Variants in UNC5D observed in about 807,000 individuals in gnomAD.
The protein encoded by UNC5D is unc-5 netrin receptor D.
In UNC5D, 39 loss-of-function variants were observed where a neutral mutation model predicts 105.4. The observed-to-expected ratio is 0.37, with a 90% CI of 0.29 to 0.48. UNC5D has a LOEUF of 0.48. Among genes scored for constraint, UNC5D ranks in the 20% least tolerant of loss-of-function variants. UNC5D has a pLI of 0.98. For missense variants in UNC5D, 991 were observed against 1,202.4 expected, an observed-to-expected ratio of 0.82 and a Z score of 2.60; for synonymous variants, 452 against 450.4, an observed-to-expected ratio of 1.00 and a Z score of -0.04.
At chr8:35,458,496 T>A (rs1808648758) in intron 1 of UNC5D, among the ~76,000 whole-genome samples, 1 of 152,100 alleles carries the variant, frequency 6.6e-6, no homozygotes, top group Non-Finnish European at 1.5e-5. Context: ...ACAAAGAATC[T>A]TTAATTAATA....
intron 3 of UNC5D, among the ~76,000 whole-genome samples, chr8:35,575,390 A>T (rs1388485869): frequency 6.6e-6 from 1 of 152,176 alleles, no homozygotes; most frequent in African/African-American, 2.4e-5. Flanking sequence ...CTAACATGGC[A>T]TCTGGCTTCT....
chr8:35,601,476 G>A (rs1232615002), intron 4 of UNC5D, among the ~76,000 whole-genome samples: 2 of 152,060 alleles, frequency 1.3e-5, no homozygotes, highest in African/African-American at 4.8e-5. Context: ...TGATTTCATT[G>A]AGCAGTGGTT....
rs141763474 is a variant in UNC5D, at chr8:35,500,039, C to T, written c.104-49253C>T. ...AAACAGTATTGAACAACAACAAAAA[C>T]AAATTATCACCCTCACCTTTCATTT... On this transcript the variant is annotated intron_variant, in intron 1 of 16. Coordinates refer to ENST00000404895, the MANE Select transcript of UNC5D (RefSeq NM_080872.4). Among the ~76,000 whole-genome samples, 7 of 152,192 alleles carry T rather than the reference C, an allele frequency of 4.6e-5. No homozygotes were observed. The East Asian group carries it at 1.3e-3, about 29-fold the overall frequency.
intron 1 of UNC5D, among the ~76,000 whole-genome samples, chr8:35,260,449 A>G (rs573634498): frequency 3.3e-4 from 50 of 152,264 alleles, no homozygotes; most frequent in South Asian, 8.3e-4. Context: ...ATCTGCAGGA[A>G]GGGTTTTATT....
At chr8:35,330,664 T>C (rs1810542738) in intron 1 of UNC5D, among the ~76,000 whole-genome samples, 1 of 152,186 alleles carries the variant, frequency 6.6e-6, no homozygotes, top group Admixed American at 6.5e-5. Context: ...AACCTTGAGT[T>C]TGGAAATCTG....
Position 35,555,834 on chromosome 8 carries a change from CA to C in UNC5D, c.322+6335del, listed in dbSNP as rs201702783. ...AGCAAGACTCCACCTCAAAAAAATA[CA>C]AAAAAAAAAAGAATAATTATAAAGA... is the stretch of plus-strand genomic sequence containing the variant. On this transcript the variant is annotated intron_variant, in intron 2 of 16. Coordinates refer to ENST00000404895, the MANE Select transcript of UNC5D (RefSeq NM_080872.4). Among the ~76,000 whole-genome samples, 142 of 107,858 alleles carry C rather than the reference CA, an allele frequency of 1.3e-3. 1 individual carries two copies. Among genetic ancestry groups the C allele is most frequent in the Admixed American group, 4.9e-3 (54 of 11,042 alleles). 70.8% of individuals were successfully genotyped at this position (107,858 alleles called of 152,430 possible).
chr8:35,719,043 GA>G (rs1828418311), intron 8 of UNC5D, among the ~76,000 whole-genome samples: 1 of 152,056 alleles, frequency 6.6e-6, no homozygotes, highest in Non-Finnish European at 1.5e-5. Context: ...TCCCAGGAAT[GA>G]GGGGCGGAGG....
chr8:35,564,888 G>A (rs1476991053), intron 2 of UNC5D, among the ~76,000 whole-genome samples: 1 of 152,068 alleles, frequency 6.6e-6, no homozygotes, highest in Non-Finnish European at 1.5e-5. Flanking sequence ...TAGGAAAATG[G>A]TCTCCAGTTC....
chr8:35,422,837 A>G (rs1806003808), intron 1 of UNC5D, among the ~76,000 whole-genome samples: 1 of 152,200 alleles, frequency 6.6e-6, no homozygotes, highest in Admixed American at 6.5e-5. Flanking sequence ...AAATGTGAAC[A>G]TAATCTGTCC....
At chr8:35,711,142 G>T (rs1252032464) in intron 8 of UNC5D, among the ~76,000 whole-genome samples, 2 of 150,328 alleles carry the variant, frequency 1.3e-5, no homozygotes. Context: ...CACTTAACAT[G>T]TATATGATCT....
intron 2 of UNC5D, among the ~76,000 whole-genome samples, chr8:35,563,287 A>G (rs1817091191): frequency 7.8e-6 from 1 of 127,640 alleles, no homozygotes; most frequent in Admixed American, 1.0e-4. Flanking sequence ...TTCTTTCACC[A>G]GAGTTTTATC....
intron 1 of UNC5D, among the ~76,000 whole-genome samples, chr8:35,375,240 G>A (rs1452037846): frequency 6.6e-6 from 1 of 152,180 alleles, no homozygotes; most frequent in African/African-American, 2.4e-5. Flanking sequence ...GTAAGACTCT[G>A]TCTGCAGTGG....
At chr8:35,572,863 G>A (rs1817834112) in intron 3 of UNC5D, among the ~76,000 whole-genome samples, 1 of 150,770 alleles carries the variant, frequency 6.6e-6, no homozygotes, top group Non-Finnish European at 1.5e-5. Flanking sequence ...GAGTGCAGTG[G>A]TGCGATCTGG....
At chr8:35,492,665 G>A (rs949025572) in intron 1 of UNC5D, among the ~76,000 whole-genome samples, 1 of 152,104 alleles carries the variant, frequency 6.6e-6, no homozygotes, top group African/African-American at 2.4e-5. Context: ...AGGGCCAGAT[G>A]GTTGAGGCTT....
intron 1 of UNC5D, among the ~76,000 whole-genome samples, chr8:35,534,379 G>A (rs1446434655): frequency 1.3e-5 from 2 of 152,000 alleles, no homozygotes; most frequent in African/African-American, 2.4e-5. Context: ...TGGGTACTAA[G>A]TGTGCTTATT....
chr8:35,663,770 C>T (rs1586367602), intron 4 of UNC5D, among the ~76,000 whole-genome samples: 1 of 152,146 alleles, frequency 6.6e-6, no homozygotes, highest in Middle Eastern at 3.2e-3. Flanking sequence ...AGGTCCTGTG[C>T]ACTTTGTAAA....
At chr8:35,763,840 GAGAC>G (rs1801650802) in intron 14 of UNC5D, among the ~76,000 whole-genome samples, 1 of 152,158 alleles carries the variant, frequency 6.6e-6, no homozygotes, top group Admixed American at 6.5e-5. Context: ...GGCCAGGCAG[GAGAC>G]AGAGTTTCAC....
chr8:35,652,414 C>T (rs1013206906), intron 4 of UNC5D, among the ~76,000 whole-genome samples: 1 of 152,078 alleles, frequency 6.6e-6, no homozygotes, highest in African/African-American at 2.4e-5. Context: ...TGAGGATGTA[C>T]CTACTCTCAT....
chr8:35,692,757 A>T (rs913665997), intron 7 of UNC5D, among the ~76,000 whole-genome samples: 1 of 152,198 alleles, frequency 6.6e-6, no homozygotes, highest in South Asian at 2.1e-4. Context: ...CCAGCACAAT[A>T]TATTTTTATG....
Sources: gnomAD v4.1 joint callset for allele counts (sites outside exome capture counted in the v4.1 genomes callset) on GRCh38, gnomAD v4.1.1 for gene constraint, MANE v1.5 for transcripts, NCBI Gene and HGNC (gene_info 2026-07-23, HGNC 2026-07-21) for gene names.